The following TSGA10IP variants were observed in gnomAD, a reference collection of about 807,000 sequenced individuals.
The protein encoded by TSGA10IP is testis specific 10 interacting protein.
TSGA10IP carries 64 observed loss-of-function variants against 63.2 expected under a neutral mutation model. The observed-to-expected ratio is 1.01, with a 90% CI of 0.83 to 1.25. The LOEUF is 1.25. Ranked by LOEUF, TSGA10IP falls within the 50% of genes most tolerant of loss-of-function variation. TSGA10IP has a pLI of 0.00. For missense variants in TSGA10IP, 681 were observed against 710.1 expected (o/e 0.96, Z 0.47); for synonymous variants, 316 against 298.3 (o/e 1.06, Z -0.61).
intron 2 of TSGA10IP, 32 bp downstream of exon 2, chr11:65,947,048 T>C (rs746828569): frequency 9.9e-6 from 16 of 1,612,610 alleles, no homozygotes; most frequent in Non-Finnish European, 1.4e-5. Flanking sequence ...CAGGAGGCTG[T>C]TGGGGGTCAG....
At chr11:65,945,915 C>G (rs1854823192) in intron 1 of TSGA10IP, 93 bp downstream of exon 1, 2 of 1,464,408 alleles carry the variant, frequency 1.4e-6, no homozygotes, top group Non-Finnish European at 1.9e-6. Flanking sequence ...AGCCACAAGA[C>G]CTGAGCTGAG....
At chr11:65,953,782 G>A (rs780424495) in intron 5 of TSGA10IP, 45 bp downstream of exon 5, 24 of 1,435,748 alleles carry the variant, frequency 1.7e-5, no homozygotes, top group Non-Finnish European at 2.1e-5. Context: ...AGAGGGCAGG[G>A]AGGCCGTGTC....
exon 3 of TSGA10IP, chr11:65,947,228 C>T (rs1376277874): frequency 1.9e-6 from 3 of 1,609,476 alleles, no homozygotes; most frequent in Admixed American, 1.7e-5. Context: ...CCACCAAGCC[C>T]TGCCCATGCC....
intron 4 of TSGA10IP, among the ~76,000 whole-genome samples, chr11:65,949,827 T>G (rs1354809787): frequency 6.7e-6 from 1 of 149,896 alleles, no homozygotes; most frequent in Non-Finnish European, 1.5e-5. Flanking sequence ...TAAATCAAAC[T>G]AATTAACATA....
At chr11:65,953,767 T>G (rs757878829) in intron 5 of TSGA10IP, 30 bp downstream of exon 5, 1 of 1,483,930 alleles carries the variant, frequency 6.7e-7, no homozygotes, top group Non-Finnish European at 8.9e-7. Context: ...GGAGGCCTGG[T>G]TGGGAGAGGG....
chr11:65,952,236 T>A (rs899048478), intron 4 of TSGA10IP, among the ~76,000 whole-genome samples: 1 of 152,204 alleles, frequency 6.6e-6, no homozygotes, highest in African/African-American at 2.4e-5. Context: ...CCTTTTCAGA[T>A]GTATGGTTTG....
chr11:65,954,002 T>A (rs1590625055), intron 5 of TSGA10IP, among the ~76,000 whole-genome samples: 3 of 152,296 alleles, frequency 2.0e-5, no homozygotes, highest in South Asian at 4.1e-4. Context: ...AAATCTTCAT[T>A]TTCTGATTTC....
Position 65,953,757 on chromosome 11 carries a change from G to T in TSGA10IP, c.1322+20G>T. The T allele has an allele frequency of 6.7e-7, 1 of 1,495,336 alleles. No homozygotes were observed. Among genetic ancestry groups the T allele is most frequent in the Non-Finnish European group, 8.8e-7 (1 of 1,130,356 alleles). 92.6% of individuals were successfully genotyped at this position (1,495,336 alleles called of 1,614,324 possible). A position where few individuals can be genotyped will look rare whatever the true frequency, so the allele number is the denominator to read the frequency against. On this transcript the variant is annotated intron_variant, in intron 5 of 7. Transcript: ENST00000532620. Reference sequence around the variant, plus strand: ...GCTGAGGTAGGGAGCCTGGGCTTCGGGAGGCCTGGTTGGGAGAGGGCAGGG... The same window carrying T: ...GCTGAGGTAGGGAGCCTGGGCTTCGTGAGGCCTGGTTGGGAGAGGGCAGGG...
At chr11:65,958,007 G>A (rs1316437842) in intron 5 of TSGA10IP, among the ~76,000 whole-genome samples, 17 of 152,212 alleles carry the variant, frequency 1.1e-4, no homozygotes, top group Admixed American at 1.1e-3. Context: ...AGGCTGGAGT[G>A]CAGTGGCACA....
chr11:65,953,465 C>T (rs1854972694), intron 4 of TSGA10IP, 102 bp from the exon 5 acceptor site: 2 of 1,431,912 alleles, frequency 1.4e-6, no homozygotes, highest in African/African-American at 2.9e-5. Flanking sequence ...GACACTGCAG[C>T]CCCTCCCCAC....
chr11:65,947,095 C>A lies in TSGA10IP; in HGVS notation c.285-15C>A. 1.9e-6 allele frequency: 3 copies of A among 1,609,472 alleles called. No homozygotes were observed. The highest frequency in any genetic ancestry group is 2.5e-6 in the Non-Finnish European group (3 of 1,176,502). On this transcript the variant is annotated splice_polypyrimidine_tract_variant and intron_variant, in intron 2 of 7. Transcript: ENST00000532620. ...GGCTGGCGCCGACCCTGACCCCCAC[C>A]CTTTCCTTCTTCAGTCACTTCCCGC...
chr11:65,945,827 G>C lies in TSGA10IP; in HGVS notation c.147+5G>C. On this transcript the variant is annotated splice_donor_5th_base_variant and intron_variant, in intron 1 of 7. Coordinates refer to ENST00000532620, the Ensembl canonical transcript of TSGA10IP. ...ACCGTCTCTCAGGACAAGCAGGTGA[G>C]GGAGGCCCAGTGAGGACACTTCCAG... is the stretch of plus-strand genomic sequence containing the variant. 6.2e-7 allele frequency: 1 copy of C among 1,613,436 alleles called. No homozygotes were observed. The highest frequency in any genetic ancestry group is 8.5e-7 in the Non-Finnish European group (1 of 1,179,574).
chr11:65,954,266 C>T (rs1027936089), intron 5 of TSGA10IP, among the ~76,000 whole-genome samples: 2 of 151,724 alleles, frequency 1.3e-5, no homozygotes, highest in African/African-American at 4.8e-5. Context: ...CCCAGCTTCA[C>T]GCCATTCTCC....
exon 5 of TSGA10IP, chr11:65,953,590 G>A (rs376940838): frequency 2.1e-5 from 33 of 1,589,356 alleles, no homozygotes; most frequent in South Asian, 1.0e-4. Context: ...GCCTGGGAGC[G>A]GCAGCGGCAG....
chr11:65,958,435 T>TGAGCCCAGAGCCAA (rs1391074917), intron 5 of TSGA10IP, among the ~76,000 whole-genome samples: 1 of 152,040 alleles, frequency 6.6e-6, no homozygotes, highest in African/African-American at 2.4e-5. Flanking sequence ...TGAAATAAAC[T>TGAGCCCAGAGCCAA]GAGCCCAGAG....
chr11:65,955,448 A>AT lies in TSGA10IP; in HGVS notation c.1322+1711_1322+1712insT, dbSNP rs557792091. ...TAATGAAACCCCGTCTATACTAAAAAATATATATACAAAAATTAGCTGGGC... is the reference window on the plus strand; with the variant it reads ...TAATGAAACCCCGTCTATACTAAAAATATATATATACAAAAATTAGCTGGGC... On this transcript the variant is annotated intron_variant, in intron 5 of 7. Transcript: ENST00000532620. Among the ~76,000 whole-genome samples, 59 of 152,124 alleles carry AT rather than the reference A, an allele frequency of 3.9e-4. 1 individual carries two copies. The highest frequency in any genetic ancestry group is 1.3e-3 in the African/African-American group (54 of 41,514).
At chr11:65,948,212 A>G in intron 4 of TSGA10IP, 64 bp downstream of exon 4, 3 of 1,512,506 alleles carry the variant, frequency 2.0e-6, no homozygotes, top group Non-Finnish European at 1.8e-6. Context: ...CACTTCTCCA[A>G]GAGATGCTTA....
chr11:65,946,077 AGATGAAGACCACCTT>A (rs1318069609), intron 1 of TSGA10IP, among the ~76,000 whole-genome samples: 50 of 152,310 alleles, frequency 3.3e-4, no homozygotes, highest in African/African-American at 1.1e-3. Context: ...GTTTCAGGAA[AGATGAAGACCACCTT>A]GATGAAGACC....
rs764047910 is a variant in TSGA10IP at position 65,959,917 on chromosome 11, C to T, written c.1648C>T (p.Leu550=). 6.2e-6 allele frequency: 10 copies of T among 1,613,384 alleles called. No individual in the cohort carries two copies. In the Admixed American group the frequency reaches 1.0e-4, roughly 16 times the overall value. Residue 550 remains leucine, a synonymous_variant, in exon 8 of 8, where the codon CTG becomes TTG. Transcript: ENST00000532620. ...GCCTGACAGGCACTACAACCCCAGC[C>T]TGGACCCGGAGTGCAGTCCCTGAGA...
Sources: gnomAD v4.1 joint callset for allele counts (sites outside exome capture counted in the v4.1 genomes callset) on GRCh38, gnomAD v4.1.1 for gene constraint, MANE v1.5 for transcripts, NCBI Gene and HGNC (gene_info 2026-07-23, HGNC 2026-07-21) for gene names.